Variants in NRG1 observed in about 807,000 individuals in gnomAD.
The protein encoded by NRG1 is pro-neuregulin-1, membrane-bound isoform.
Under a neutral mutation model 63.8 loss-of-function variants are expected in NRG1, and 18 were observed. That is an observed-to-expected ratio of 0.28 (90% CI 0.19 to 0.42). NRG1 has a LOEUF of 0.42. Ranked by LOEUF, NRG1 falls within the 10% of genes least tolerant of loss-of-function variation. NRG1 has a pLI of 1.00. For missense variants in NRG1, 762 were observed against 814.7 expected, an observed-to-expected ratio of 0.94 and a Z score of 0.79; for synonymous variants, 302 against 301.3, an observed-to-expected ratio of 1.00 and a Z score of -0.02.
chr8:32,773,604 C>T (rs1294550100), intron 7 of NRG1, among the ~76,000 whole-genome samples: 1 of 152,196 alleles, frequency 6.6e-6, no homozygotes, highest in Non-Finnish European at 1.5e-5. Flanking sequence ...TCCACACCCT[C>T]CTTCACAGCC....
chr8:32,681,297 C>G (rs1018739718), intron 5 of NRG1, among the ~76,000 whole-genome samples: 1 of 152,156 alleles, frequency 6.6e-6, no homozygotes, highest in Non-Finnish European at 1.5e-5. Flanking sequence ...ATGACCTAGT[C>G]AGACAAAGCA....
At chr8:32,223,807 A>T (rs556348669) in intron 1 of NRG1, among the ~76,000 whole-genome samples, 3 of 152,314 alleles carry the variant, frequency 2.0e-5, no homozygotes, top group Non-Finnish European at 4.4e-5. Context: ...CCGTAGCGGA[A>T]AATTATGGGT....
intron 1 of NRG1, among the ~76,000 whole-genome samples, chr8:32,177,909 C>CA (rs1216441999): frequency 2.6e-5 from 4 of 151,966 alleles, no homozygotes; most frequent in Non-Finnish European, 5.9e-5. Flanking sequence ...GCAACACTTG[C>CA]AAAAGGACTT....
intron 1 of NRG1, among the ~76,000 whole-genome samples, chr8:31,759,213 T>C (rs1402876109): frequency 6.6e-6 from 1 of 152,162 alleles, no homozygotes; most frequent in Admixed American, 6.6e-5. Context: ...TCTTAAAGGA[T>C]GTCTTTTGAA....
intron 1 of NRG1, among the ~76,000 whole-genome samples, chr8:31,698,790 G>C (rs1810340689): frequency 6.6e-6 from 1 of 152,204 alleles, no homozygotes; most frequent in Admixed American, 6.5e-5. Context: ...TTATTCACTT[G>C]TAATGTTAAT....
At chr8:31,653,746 A>G (rs2130897617) in intron 1 of NRG1, among the ~76,000 whole-genome samples, 1 of 152,340 alleles carries the variant, frequency 6.6e-6, no homozygotes, top group Non-Finnish European at 1.5e-5. Flanking sequence ...GAGTTTTGCA[A>G]TAAATCTTCA....
At chr8:32,207,977 A>T (rs907395253) in intron 1 of NRG1, among the ~76,000 whole-genome samples, 3 of 152,204 alleles carry the variant, frequency 2.0e-5, no homozygotes, top group African/African-American at 7.2e-5. Context: ...TTAAGGGATG[A>T]GAGTTGACCT....
intron 1 of NRG1, among the ~76,000 whole-genome samples, chr8:31,957,819 A>G (rs1211901320): frequency 6.6e-6 from 1 of 152,106 alleles, no homozygotes; most frequent in Non-Finnish European, 1.5e-5. Flanking sequence ...TCTATCTTCT[A>G]TCATTTCTTA....
chr8:31,786,854 C>T (rs925088343), intron 1 of NRG1, among the ~76,000 whole-genome samples: 2 of 152,102 alleles, frequency 1.3e-5, no homozygotes, highest in African/African-American at 4.8e-5. Flanking sequence ...TCTCTGAACC[C>T]AATCCTTTTG....
intron 1 of NRG1, among the ~76,000 whole-genome samples, chr8:31,707,522 T>C (rs540425915): frequency 6.6e-6 from 1 of 152,218 alleles, no homozygotes; most frequent in African/African-American, 2.4e-5. Context: ...ACTTGTTTTA[T>C]TCAAACAGCT....
At chr8:32,078,857 T>C (rs1241494557) in intron 1 of NRG1, among the ~76,000 whole-genome samples, 1 of 152,160 alleles carries the variant, frequency 6.6e-6, no homozygotes, top group Non-Finnish European at 1.5e-5. Context: ...ATTCTCTCTG[T>C]TGAGTGAGGG....
At chr8:31,872,719 A>G (rs1481615) in intron 1 of NRG1, among the ~76,000 whole-genome samples, 1 of 152,048 alleles carries the variant, frequency 6.6e-6, no homozygotes, top group South Asian at 2.1e-4. Flanking sequence ...TAAAGCATGG[A>G]AACAGGAATA....
intron 1 of NRG1, among the ~76,000 whole-genome samples, chr8:31,657,670 G>T (rs1466823782): frequency 2.0e-5 from 3 of 152,160 alleles, no homozygotes; most frequent in African/African-American, 7.2e-5. Context: ...TAAGAAAAGA[G>T]AATTAGAATT....
At chr8:32,545,476 G>GT (rs33978908), upstream of NRG1, among the ~76,000 whole-genome samples, 16,087 of 149,350 alleles carry the variant, frequency 0.11, 2,031 homozygotes, top group East Asian at 0.59. Flanking sequence ...ATACAATTGG[G>GT]TTTTTTTTTT....
chr8:32,514,820 TA>T (rs981802352), intron 1 of NRG1, among the ~76,000 whole-genome samples: 2 of 151,680 alleles, frequency 1.3e-5, no homozygotes, highest in East Asian at 1.9e-4. Context: ...TTGTTCAGAT[TA>T]AAAAAATAAT....
intron 1 of NRG1, among the ~76,000 whole-genome samples, chr8:32,470,824 AG>A (rs1433470304): frequency 6.6e-6 from 1 of 150,914 alleles, no homozygotes; most frequent in Non-Finnish European, 1.5e-5. Context: ...TTCTTCAGTC[AG>A]GGTTTTGCTC....
chr8:32,204,236 T>C (rs1843788103), intron 1 of NRG1, among the ~76,000 whole-genome samples: 1 of 152,224 alleles, frequency 6.6e-6, no homozygotes, highest in Non-Finnish European at 1.5e-5. Flanking sequence ...TTGCAAAAAC[T>C]TCAGCTCTTA....
At position 31,705,676 on chromosome 8, in the gene NRG1, G is replaced by A. The variant is rs888955772; in HGVS notation, c.37+66245G>A. On this transcript the variant is annotated intron_variant, in intron 1 of 10. Transcript: ENST00000519301. ...CTCTCTGTTCTGCATTCCTATTCTT[G>A]GCTTTCTTCCCAATTAGTCTCTGCT... is the stretch of plus-strand genomic sequence containing the variant. 9.2e-5 allele frequency among the ~76,000 whole-genome samples: 14 copies of A among 152,070 alleles called. 1 individual carries two copies. Among genetic ancestry groups the A allele is most frequent in the Admixed American group, 3.3e-4 (5 of 15,278 alleles).
intron 1 of NRG1, among the ~76,000 whole-genome samples, chr8:31,700,374 C>T (rs746654472): frequency 3.9e-5 from 6 of 152,068 alleles, no homozygotes; most frequent in Non-Finnish European, 8.8e-5. Flanking sequence ...GTCCCAGTTT[C>T]TGAGCAGCCC....
Sources: allele counts gnomAD v4.1 joint callset (sites outside exome capture counted in the v4.1 genomes callset), GRCh38; gene constraint gnomAD v4.1.1; transcripts MANE v1.5; gene names NCBI Gene and HGNC (gene_info 2026-07-23, HGNC 2026-07-21).